The following CTNNA3 variants were observed in gnomAD, a reference collection of about 807,000 sequenced individuals.
CTNNA3 encodes the protein catenin alpha 3, also known as catenin alpha-3.
Under a neutral mutation model 95.7 loss-of-function variants are expected in CTNNA3, and 76 were observed. That is an observed-to-expected ratio of 0.79 (90% CI 0.66 to 0.96). The LOEUF is 0.96. Among genes scored for constraint, CTNNA3 ranks in the 40% least tolerant of loss-of-function variants. CTNNA3 has a pLI of 0.00. For synonymous variants in CTNNA3, 431 were observed against 374.4 expected (o/e 1.15, Z -1.74); for missense variants, 1,191 against 1,089.8 (o/e 1.09, Z -1.31).
At chr10:67,499,490 T>A (rs772994499) in intron 5 of CTNNA3, among the ~76,000 whole-genome samples, 1 of 152,172 alleles carries the variant, frequency 6.6e-6, no homozygotes, top group Non-Finnish European at 1.5e-5. Flanking sequence ...TTGTTTGGAA[T>A]AGTTTCAGAA....
chr10:67,134,873 GAGTCACTCTGTAGACACAGA>G (rs1359357184), intron 7 of CTNNA3, among the ~76,000 whole-genome samples: 3 of 152,058 alleles, frequency 2.0e-5, no homozygotes. Flanking sequence ...TGACAGAGAG[GAGTCACTCTGTAGACACAGA>G]AGTAAAAGGC....
chr10:67,425,528 AG>A (rs1845893854), intron 5 of CTNNA3, among the ~76,000 whole-genome samples: 1 of 152,036 alleles, frequency 6.6e-6, no homozygotes. Context: ...TTTTTTGAAG[AG>A]GAAAAAAAAA....
At chr10:66,430,503 T>C (rs573472491) in intron 11 of CTNNA3, among the ~76,000 whole-genome samples, 2 of 152,268 alleles carry the variant, frequency 1.3e-5, no homozygotes, top group African/African-American at 2.4e-5. Context: ...CTTCAGACTA[T>C]ACTCCAAGGC....
At chr10:67,207,625 C>T (rs1170461065) in intron 6 of CTNNA3, among the ~76,000 whole-genome samples, 1 of 152,136 alleles carries the variant, frequency 6.6e-6, no homozygotes, top group Non-Finnish European at 1.5e-5. Flanking sequence ...AAACTATTTG[C>T]TTTCCATGTT....
At chr10:66,569,639 A>T (rs1842809552) in intron 10 of CTNNA3, among the ~76,000 whole-genome samples, 1 of 152,162 alleles carries the variant, frequency 6.6e-6, no homozygotes, top group Admixed American at 6.5e-5. Context: ...AGGTGTTAGC[A>T]TCCTGTTGGG....
Position 66,763,883 on chromosome 10 carries a change from C to T in CTNNA3, c.1281+2381G>A, listed in dbSNP as rs189074185. On this transcript the variant is annotated intron_variant, in intron 9 of 17. Transcript: ENST00000433211. ...ATGTGAATATGCCATTTAGCATGTC[C>T]GGACTAGGCCAACCTTTGGCAGGCT... 2.4e-3 allele frequency among the ~76,000 whole-genome samples: 358 copies of T among 152,254 alleles called. 1 individual carries two copies. The highest frequency in any genetic ancestry group is 3.8e-3 in the Non-Finnish European group (257 of 68,020).
At position 66,763,606 on chromosome 10, in the gene CTNNA3, A is replaced by G. The variant is rs539196963; in HGVS notation, c.1281+2658T>C. On this transcript the variant is annotated intron_variant, in intron 9 of 17. Coordinates refer to ENST00000433211, the MANE Select transcript of CTNNA3 (RefSeq NM_013266.4). Reference sequence around the variant, plus strand: ...GAGTAGTGACCACAAATACTTTGCTATTCCTTCTATTGAGAAATGTAGTCT... The same window carrying G: ...GAGTAGTGACCACAAATACTTTGCTGTTCCTTCTATTGAGAAATGTAGTCT... 4.0e-4 allele frequency among the ~76,000 whole-genome samples: 61 copies of G among 152,324 alleles called. 1 individual carries two copies. In the South Asian group the frequency reaches 0.012, roughly 31 times the overall value.
At chr10:67,269,337 A>G (rs1220624974) in intron 5 of CTNNA3, among the ~76,000 whole-genome samples, 1 of 152,192 alleles carries the variant, frequency 6.6e-6, no homozygotes, top group Non-Finnish European at 1.5e-5. Flanking sequence ...TTTATTTTAT[A>G]TTAATAGATA....
In CTNNA3 at chr10:66,169,562, T is replaced by A. The variant is rs569321087; in HGVS notation, c.1885-66313A>T. Among the ~76,000 whole-genome samples the A allele has an allele frequency of 2.6e-5, 4 of 152,308 alleles. No homozygotes were observed. In the South Asian group the frequency reaches 8.3e-4, roughly 32 times the overall value. On this transcript the variant is annotated intron_variant, in intron 13 of 17. Transcript: ENST00000433211. The stretch of plus-strand genomic sequence containing the variant: ...CTACAGTGGGATTGCTGGGATCAAA[T>A]TGTAGTTCTACTTTTAGTTCTTTAA...
intron 12 of CTNNA3, among the ~76,000 whole-genome samples, chr10:66,356,117 G>GTTTTTTTTTTTTTTTTTTTTTT (rs1275052192): frequency 9.5e-6 from 1 of 104,740 alleles, no homozygotes; most frequent in African/African-American, 3.9e-5. Flanking sequence ...TTGTTTGCTT[G>GTTTTTTTTTTTTTTTTTTTTTT]TTTTGTTTTT....
At chr10:67,354,289 G>A (rs1842734573) in intron 5 of CTNNA3, among the ~76,000 whole-genome samples, 1 of 151,996 alleles carries the variant, frequency 6.6e-6, no homozygotes, top group Non-Finnish European at 1.5e-5. Flanking sequence ...CTACAAGGTT[G>A]CTGCAGATCT....
At chr10:67,126,137 T>G (rs1312620967) in intron 7 of CTNNA3, among the ~76,000 whole-genome samples, 1 of 152,228 alleles carries the variant, frequency 6.6e-6, no homozygotes, top group Non-Finnish European at 1.5e-5. Flanking sequence ...TTATTATGTA[T>G]CTTTCATGAG....
rs540682138 is a variant in CTNNA3 at position 67,372,697 on chromosome 10, A to T, written c.579+149145T>A. Among the ~76,000 whole-genome samples, 78 of 152,322 alleles carry T rather than the reference A, an allele frequency of 5.1e-4. No individual in the cohort carries two copies. The East Asian group carries it at 0.014, about 28-fold the overall frequency. ...TGTCAGATTCACCAAAGTTGAAATG[A>T]AGGAAAAAATGTTAAGGGCAGCCAG... On this transcript the variant is annotated intron_variant, in intron 5 of 17. Coordinates refer to ENST00000433211, the MANE Select transcript of CTNNA3 (RefSeq NM_013266.4).
chr10:66,691,980 AC>A (rs1847563056), intron 9 of CTNNA3, among the ~76,000 whole-genome samples: 1 of 151,974 alleles, frequency 6.6e-6, no homozygotes, highest in Admixed American at 6.6e-5. Context: ...ATCATCAAAG[AC>A]CAAAAGTAGA....
chr10:67,379,511 A>G (rs962667621), intron 5 of CTNNA3, among the ~76,000 whole-genome samples: 2 of 152,218 alleles, frequency 1.3e-5, no homozygotes, highest in East Asian at 1.9e-4. Flanking sequence ...TGGACTAAAA[A>G]TATATTTAGA....
intron 7 of CTNNA3, among the ~76,000 whole-genome samples, chr10:67,163,088 C>T (rs896262139): frequency 4.6e-5 from 7 of 152,004 alleles, no homozygotes; most frequent in Non-Finnish European, 8.8e-5. Context: ...TCTACCCAAC[C>T]TTTCTAGAAG....
chr10:67,084,216 A>G (rs569328270), intron 7 of CTNNA3, among the ~76,000 whole-genome samples: 20 of 152,120 alleles, frequency 1.3e-4, no homozygotes, highest in Non-Finnish European at 2.6e-4. Context: ...CTATCCTCAT[A>G]TGTATTGTTC....
chr10:67,315,877 G>A (rs1841027824), intron 5 of CTNNA3, among the ~76,000 whole-genome samples: 1 of 152,014 alleles, frequency 6.6e-6, no homozygotes, highest in African/African-American at 2.4e-5. Flanking sequence ...TTAACTTTGT[G>A]CTCTACAAGC....
intron 3 of CTNNA3, among the ~76,000 whole-genome samples, chr10:67,556,781 T>G (rs1418370155): frequency 6.6e-6 from 1 of 152,226 alleles, no homozygotes; most frequent in Non-Finnish European, 1.5e-5. Context: ...CTTACTTATT[T>G]CTTGCCTTCT....
Sources: allele counts gnomAD v4.1 joint callset (sites outside exome capture counted in the v4.1 genomes callset), GRCh38; gene constraint gnomAD v4.1.1; transcripts MANE v1.5; gene names NCBI Gene and HGNC (gene_info 2026-07-23, HGNC 2026-07-21).